GRIN2B: variants seen among roughly 807,000 people sequenced by gnomAD.
The protein encoded by GRIN2B is glutamate receptor ionotropic, NMDA 2B.
GRIN2B carries 5 observed loss-of-function variants against 114.5 expected under a neutral mutation model. The ratio of observed to expected loss-of-function variants is 0.04; its 90% CI spans 0.02 to 0.09. The LOEUF is 0.09. Among genes scored for constraint, GRIN2B ranks in the 10% least tolerant of loss-of-function variants. The pLI is 1.00. For missense variants in GRIN2B, 1,108 were observed against 1,943.5 expected (o/e 0.57, Z 8.08); for synonymous variants, 787 against 745.1 (o/e 1.06, Z -0.92).
At chr12:13,798,162 A>AC (rs775893156) in intron 3 of GRIN2B, among the ~76,000 whole-genome samples, 3 of 152,220 alleles carry the variant, frequency 2.0e-5, no homozygotes, top group Non-Finnish European at 4.4e-5. Context: ...ACCATTCCTG[A>AC]CCCATTCTCC....
intron 3 of GRIN2B, among the ~76,000 whole-genome samples, chr12:13,829,445 C>T (rs185701941): frequency 2.8e-4 from 42 of 152,170 alleles, no homozygotes; most frequent in Non-Finnish European, 5.4e-4. Flanking sequence ...CTTGTGACCT[C>T]GATTGATAAG....
rs546401196 is a variant in GRIN2B at position 13,974,568 on chromosome 12, C to A, written c.-19+5360G>T. Among the ~76,000 whole-genome samples the A allele has an allele frequency of 3.3e-5, 5 of 152,052 alleles. No individual in the cohort carries two copies. In the South Asian group the frequency reaches 6.2e-4, roughly 19 times the overall value. Reference sequence around the variant, plus strand: ...TATGCTTTCTGTCCTCCTAAAATGACCTGTCTTTCTGTATCCTATAAATCT... The same window carrying A: ...TATGCTTTCTGTCCTCCTAAAATGAACTGTCTTTCTGTATCCTATAAATCT... On this transcript the variant is annotated intron_variant, in intron 2 of 13. Transcript: ENST00000609686.
chr12:13,612,715 G>T (rs1404054439), intron 8 of GRIN2B, among the ~76,000 whole-genome samples: 1 of 152,124 alleles, frequency 6.6e-6, no homozygotes, highest in South Asian at 2.1e-4. Context: ...CTCTGGCTTG[G>T]AGGTGTCCAG....
At chr12:13,942,454 A>G (rs219912) in intron 2 of GRIN2B, among the ~76,000 whole-genome samples, 96,929 of 152,052 alleles carry the variant, frequency 0.64, 31,438 homozygotes, top group East Asian at 0.95. Flanking sequence ...AATTCATTCC[A>G]AATGTTAAGG....
intron 2 of GRIN2B, among the ~76,000 whole-genome samples, chr12:13,970,590 T>C (rs566881279): frequency 6.6e-6 from 1 of 152,178 alleles, no homozygotes; most frequent in South Asian, 2.1e-4. Flanking sequence ...ATAAATCTTG[T>C]CCTCACAGGA....
chr12:13,785,908 G>A (rs1864215289), intron 3 of GRIN2B, among the ~76,000 whole-genome samples: 1 of 152,220 alleles, frequency 6.6e-6, no homozygotes, highest in Admixed American at 6.5e-5. Context: ...CCAGTGTGCT[G>A]TGTTAAGTAA....
Position 13,920,930 on chromosome 12 carries a change from G to C in GRIN2B, c.-18-54704C>G, listed in dbSNP as rs910472834. On this transcript the variant is annotated intron_variant, in intron 2 of 13. Coordinates refer to ENST00000609686, the MANE Select transcript of GRIN2B (RefSeq NM_000834.5). The stretch of plus-strand genomic sequence containing the variant: ...TGACTAATACATTAGTCTGCCCCAT[G>C]GTTCTCAAGTTGCAGGATTTGTACC... Among the ~76,000 whole-genome samples the C allele has an allele frequency of 2.0e-5, 3 of 152,220 alleles. No homozygotes were observed. In the East Asian group the frequency reaches 5.8e-4, roughly 29 times the overall value.
chr12:13,774,566 A>G (rs1863967438), intron 3 of GRIN2B, among the ~76,000 whole-genome samples: 1 of 152,248 alleles, frequency 6.6e-6, no homozygotes. Context: ...TGGATTACTA[A>G]TCTTGCAAAA....
At chr12:13,748,616 A>G (rs1863428985) in intron 4 of GRIN2B, among the ~76,000 whole-genome samples, 1 of 152,190 alleles carries the variant, frequency 6.6e-6, no homozygotes, top group Admixed American at 6.5e-5. Flanking sequence ...CCCTTAGAGA[A>G]TATATAGCAT....
At chr12:13,793,629 A>C (rs1362185017) in intron 3 of GRIN2B, among the ~76,000 whole-genome samples, 1 of 152,082 alleles carries the variant, frequency 6.6e-6, no homozygotes, top group Non-Finnish European at 1.5e-5. Flanking sequence ...TCCACTCCTC[A>C]TCAGTTCCCA....
chr12:13,598,555 C>G (rs1949106512), intron 10 of GRIN2B, among the ~76,000 whole-genome samples: 1 of 152,144 alleles, frequency 6.6e-6, no homozygotes, highest in African/African-American at 2.4e-5. Flanking sequence ...AGATGACACC[C>G]TCAAAGCAGC....
chr12:13,941,629 T>C (rs1272475492), intron 2 of GRIN2B, among the ~76,000 whole-genome samples: 3 of 152,164 alleles, frequency 2.0e-5, no homozygotes, highest in Non-Finnish European at 2.9e-5. Context: ...TAGATCGGCA[T>C]AAACTGCCCT....
intron 3 of GRIN2B, among the ~76,000 whole-genome samples, chr12:13,830,538 TC>T (rs775915968): frequency 1.3e-5 from 2 of 152,238 alleles, no homozygotes; most frequent in Non-Finnish European, 1.5e-5. Flanking sequence ...CATTAGCTTT[TC>T]TTTCACACAT....
At position 13,549,294 on chromosome 12, in the gene GRIN2B, A is replaced by AT. The variant is rs1015147308; in HGVS notation, c.*13488dup. On this transcript the variant is annotated 3_prime_UTR_variant, in exon 14 of 14. Coordinates refer to ENST00000609686, the MANE Select transcript of GRIN2B (RefSeq NM_000834.5). Reference sequence around the variant, plus strand: ...CATAAGTATTCTCAGGAGACTATTAATTTTGGAGCCCCCATGCTTCCCTTT... The same window carrying AT: ...CATAAGTATTCTCAGGAGACTATTAATTTTTGGAGCCCCCATGCTTCCCTTT... The AT allele has an allele frequency of 2.0e-5, 3 of 152,110 alleles. No homozygotes were observed. Among genetic ancestry groups the AT allele is most frequent in the Admixed American group, 2.0e-4 (3 of 15,266 alleles). 9.4% of individuals were successfully genotyped at this position (152,110 alleles called of 1,614,324 possible).
At chr12:13,702,697 C>T (rs1050344350) in intron 4 of GRIN2B, among the ~76,000 whole-genome samples, 2 of 152,150 alleles carry the variant, frequency 1.3e-5, no homozygotes, top group Non-Finnish European at 2.9e-5. Context: ...CCCATAAAGA[C>T]GGACCCCACA....
At chr12:13,869,513 G>T (rs1483996777) in intron 2 of GRIN2B, among the ~76,000 whole-genome samples, 1 of 151,896 alleles carries the variant, frequency 6.6e-6, no homozygotes, top group East Asian at 1.9e-4. Context: ...TCAACCTGCT[G>T]GGTACCAGAT....
At chr12:13,624,972 T>C (rs980882005) in intron 5 of GRIN2B, among the ~76,000 whole-genome samples, 2 of 152,102 alleles carry the variant, frequency 1.3e-5, no homozygotes, top group African/African-American at 4.8e-5. Flanking sequence ...GGAATAGAAG[T>C]TGTTGATTCT....
chr12:13,907,007 T>A (rs758233475), intron 2 of GRIN2B, among the ~76,000 whole-genome samples: 3 of 152,234 alleles, frequency 2.0e-5, no homozygotes, highest in Non-Finnish European at 4.4e-5. Context: ...TGGTGTCAGA[T>A]GTTTCACATA....
chr12:13,755,258 C>A (rs1863556761), intron 3 of GRIN2B, among the ~76,000 whole-genome samples: 1 of 152,178 alleles, frequency 6.6e-6, no homozygotes, highest in Non-Finnish European at 1.5e-5. Context: ...AATTGCTGAG[C>A]ATTTCTTCAG....
Sources: allele counts gnomAD v4.1 joint callset (sites outside exome capture counted in the v4.1 genomes callset), GRCh38; gene constraint gnomAD v4.1.1; transcripts MANE v1.5; gene names NCBI Gene and HGNC (gene_info 2026-07-23, HGNC 2026-07-21).